Variants in NFXL1 observed in about 807,000 individuals in gnomAD.
The protein encoded by NFXL1 is nuclear transcription factor, X-box binding like 1, also known as NF-X1-type zinc finger protein NFXL1.
NFXL1 carries 66 observed loss-of-function variants against 123.3 expected under a neutral mutation model. That is an observed-to-expected ratio of 0.54 (90% CI 0.44 to 0.66). NFXL1 has a LOEUF of 0.66. Ranked by LOEUF, NFXL1 falls within the 30% of genes least tolerant of loss-of-function variation. The probability of loss-of-function intolerance (pLI) is 0.00; values close to 1 mark genes in which losing one functional copy is unlikely to be tolerated. For missense variants in NFXL1, 944 were observed against 1,125.6 expected (o/e 0.84, Z 2.31); for synonymous variants, 346 against 360.8 (o/e 0.96, Z 0.46).
chr4:47,882,640 T>C (rs1437324512), intron 15 of NFXL1, among the ~76,000 whole-genome samples: 1 of 152,258 alleles, frequency 6.6e-6, no homozygotes, highest in African/African-American at 2.4e-5. Context: ...ACAAATCTTA[T>C]ATTCTTTTAT....
chr4:47,903,228 A>G lies in NFXL1; in HGVS notation c.612T>C (p.Asp204=). The change falls in exon 5 of 23, where the codon GAT becomes GAC. Residue 204 remains aspartate, a synonymous_variant. Coordinates refer to ENST00000507489, the MANE Select transcript of NFXL1 (RefSeq NM_001278624.2). ...DSQFLVSSVT[D]DDFGKKDCPW... ...GACAATCTTTCTTTCCAAAATCATC[A>G]TCAGTCACAGAAGATACAAGAAACT... is the stretch of plus-strand genomic sequence containing the variant. 1 of 1,597,344 alleles carries G rather than the reference A, an allele frequency of 6.3e-7. No homozygotes were observed. Among genetic ancestry groups the G allele is most frequent in the Non-Finnish European group, 8.5e-7 (1 of 1,172,108 alleles).
chr4:47,853,458 A>C (rs556790106), intron 20 of NFXL1, among the ~76,000 whole-genome samples: 1 of 152,200 alleles, frequency 6.6e-6, no homozygotes, highest in South Asian at 2.1e-4. Flanking sequence ...AAGGTTACAG[A>C]TACCTAGAAT....
At position 47,885,996 on chromosome 4, in the gene NFXL1, C is replaced by T; in HGVS notation, c.1547G>A (p.Ser516Asn). 3 of 1,606,198 alleles carry T rather than the reference C, an allele frequency of 1.9e-6. No homozygotes were observed. The highest frequency in any genetic ancestry group is 8.5e-7 in the Non-Finnish European group (1 of 1,177,824). ...HKCPSVCHRGSCYPCPETVDV... is the reference protein window; with the variant it reads ...HKCPSVCHRGNCYPCPETVDV... The stretch of plus-strand genomic sequence containing the variant: ...TACGGTTTCTGGGCAGGGATAGCAA[C>T]TGCCTGAAAAAAAAGTCTGACAATT... The change falls in exon 13 of 23, where the codon AGT (serine) becomes AAT (asparagine). Residue 516 changes from serine (S) to asparagine (N), a missense_variant. Physicochemically the swap from Ser to Asn is conservative, Grantham distance 46. This residue lies in a region of NFXL1 where 296 missense variants were observed against 395.1 expected (regional missense o/e 0.75). Transcript: ENST00000507489.
chr4:47,912,263 T>C (rs1369191073), intron 2 of NFXL1, among the ~76,000 whole-genome samples: 1 of 152,072 alleles, frequency 6.6e-6, no homozygotes, highest in Non-Finnish European at 1.5e-5. Flanking sequence ...TACGGGAAAT[T>C]AGCACTTAAA....
chr4:47,903,094 G>A, intron 5 of NFXL1, 99 bp downstream of exon 5: 4 of 650,376 alleles, frequency 6.2e-6, no homozygotes, highest in Admixed American at 3.2e-5. Flanking sequence ...GGTGGAGGTT[G>A]CAGTGAGCCA....
At chr4:47,890,539 TTG>T (rs1736703290) in intron 12 of NFXL1, 72 bp downstream of exon 12, 1 of 775,088 alleles carries the variant, frequency 1.3e-6, no homozygotes, top group African/African-American at 1.8e-5. Context: ...ATACATTATA[TTG>T]AATATTGACA....
At chr4:47,885,403 A>T in intron 14 of NFXL1, 95 bp downstream of exon 14, 1 of 1,004,520 alleles carries the variant, frequency 1.0e-6, no homozygotes, top group Non-Finnish European at 1.5e-6. Flanking sequence ...GCTTCCCAAT[A>T]AGTGCTTAAT....
At chr4:47,859,841 CAAAAAAAAAAAAAAA>C (rs938207203) in intron 19 of NFXL1, among the ~76,000 whole-genome samples, 2 of 14,314 alleles carry the variant, frequency 1.4e-4, no homozygotes, top group Non-Finnish European at 2.4e-4. Context: ...GACTCCATCT[CAAAAAAAAAAAAAAA>C]AAAAAAAAAA....
chr4:47,887,224 TAAAG>T (rs758180366), intron 12 of NFXL1, among the ~76,000 whole-genome samples: 1 of 152,084 alleles, frequency 6.6e-6, no homozygotes, highest in African/African-American at 2.4e-5. Context: ...AATGAAATAA[TAAAG>T]GAAGAAGAGT....
chr4:47,880,866 A>C (rs1403334770), intron 15 of NFXL1, among the ~76,000 whole-genome samples: 1 of 151,722 alleles, frequency 6.6e-6, no homozygotes, highest in East Asian at 1.9e-4. Flanking sequence ...ACTGCATGTT[A>C]AATTAAACAC....
intron 6 of NFXL1, 90 bp from the exon 7 acceptor site, chr4:47,899,210 C>A (rs1737257067): frequency 7.5e-7 from 1 of 1,338,888 alleles, no homozygotes. Context: ...TCAATAATTT[C>A]TAGAACTTTC....
intron 2 of NFXL1, among the ~76,000 whole-genome samples, chr4:47,912,822 T>G (rs1737903826): frequency 7.3e-6 from 1 of 136,526 alleles, no homozygotes; most frequent in Non-Finnish European, 1.6e-5. Context: ...TGAAACCCCG[T>G]CTCTACTAAA....
intron 18 of NFXL1, among the ~76,000 whole-genome samples, chr4:47,870,792 G>A (rs1290000266): frequency 6.6e-6 from 1 of 151,982 alleles, no homozygotes; most frequent in Non-Finnish European, 1.5e-5. Flanking sequence ...GCTAGGATAT[G>A]TAAAGTACAA....
intron 15 of NFXL1, 57 bp from the exon 16 acceptor site, chr4:47,879,174 C>T (rs9997555): frequency 0.34 from 237,266 of 698,806 alleles, 42,055 homozygotes; most frequent in East Asian, 0.56. Flanking sequence ...AAAATAATAC[C>T]TAAAGATGCT....
chr4:47,851,728 A>G, intron 21 of NFXL1, 128 bp downstream of exon 21: 1 of 606,060 alleles, frequency 1.7e-6, no homozygotes, highest in African/African-American at 1.9e-5. Flanking sequence ...AAATAAGCCT[A>G]TAAAACTAGG....
In NFXL1 at chr4:47,896,606, C is replaced by T. The variant is rs1737101392; in HGVS notation, c.1246G>A (p.Asp416Asn). 6.2e-7 allele frequency: 1 copy of T among 1,611,120 alleles called. No homozygotes were observed. Among genetic ancestry groups the T allele is most frequent in the Non-Finnish European group, 8.5e-7 (1 of 1,177,408 alleles). ...PCTEDVPTCGDSCDKVLECGI... is the reference protein window; with the variant it reads ...PCTEDVPTCGNSCDKVLECGI... ...CATTCAAGTACTTTGTCACAACTGT[C>T]TCCACAAGTTGGTACATCTTCTGTA... The change falls in exon 10 of 23, where the codon GAC (aspartate) becomes AAC (asparagine). Residue 416 changes from aspartate (D) to asparagine (N), a missense_variant. Physicochemically the swap from Asp to Asn is conservative, Grantham distance 23. Coordinates refer to ENST00000507489, the MANE Select transcript of NFXL1 (RefSeq NM_001278624.2).
intron 15 of NFXL1, among the ~76,000 whole-genome samples, chr4:47,883,854 G>A (rs909954221): frequency 1.3e-5 from 2 of 152,076 alleles, no homozygotes; most frequent in Non-Finnish European, 2.9e-5. Flanking sequence ...AAAATTCCAG[G>A]ATTCCGTATT....
chr4:47,890,774 T>G, intron 11 of NFXL1, 71 bp from the exon 12 acceptor site: 2 of 794,734 alleles, frequency 2.5e-6, no homozygotes, highest in Non-Finnish European at 4.3e-6. Flanking sequence ...TCATTACTAG[T>G]TACAGAACTT....
At chr4:47,902,133 G>C (rs1737378825) in intron 5 of NFXL1, among the ~76,000 whole-genome samples, 1 of 152,010 alleles carries the variant, frequency 6.6e-6, no homozygotes, top group Admixed American at 6.5e-5. Context: ...AGCGAGCCAA[G>C]AGCGCACCAC....
Sources: allele counts gnomAD v4.1 joint callset (sites outside exome capture counted in the v4.1 genomes callset), GRCh38; gene constraint gnomAD v4.1.1; regional missense constraint gnomAD v4.1.1; transcripts MANE v1.5; gene names NCBI Gene and HGNC (gene_info 2026-07-23, HGNC 2026-07-21).